Variants in MGAT5 observed in about 807,000 individuals in gnomAD.
MGAT5 encodes the protein alpha-1,6-mannosylglycoprotein 6-beta-N-acetylglucosaminyltransferase, also known as alpha-1,6-mannosylglycoprotein 6-beta-N-acetylglucosaminyltransferase A.
MGAT5 carries 30 observed loss-of-function variants against 94.3 expected under a neutral mutation model. The ratio of observed to expected loss-of-function variants is 0.32; its 90% CI spans 0.24 to 0.43. The LOEUF is 0.43. Among genes scored for constraint, MGAT5 ranks in the 20% least tolerant of loss-of-function variants. MGAT5 has a pLI of 1.00. For synonymous variants in MGAT5, 310 were observed against 322.9 expected (o/e 0.96, Z 0.43); for missense variants, 691 against 905.5 (o/e 0.76, Z 3.04).
intron 15 of MGAT5, among the ~76,000 whole-genome samples, chr2:134,445,658 C>G (rs1374499405): frequency 2.0e-5 from 3 of 152,146 alleles, no homozygotes; most frequent in African/African-American, 7.2e-5. Flanking sequence ...AAACTGAGAC[C>G]TGATGGGCCC....
chr2:134,449,181 G>C lies in MGAT5; in HGVS notation c.*334G>C, dbSNP rs987242804. The C allele has an allele frequency of 1.3e-5, 3 of 233,020 alleles. No individual in the cohort carries two copies. The highest frequency in any genetic ancestry group is 6.2e-5 in the Admixed American group (1 of 16,136). 14.4% of individuals were successfully genotyped at this position (233,020 alleles called of 1,614,324 possible). On this transcript the variant is annotated 3_prime_UTR_variant, in exon 16 of 16. Coordinates refer to ENST00000281923, the MANE Select transcript of MGAT5 (RefSeq NM_002410.5). ...AGAGTCCTTTAAAACAAAACAGGAGGAATTGAGCTGATGGGAAAGAACTCT... is the reference window on the plus strand; with the variant it reads ...AGAGTCCTTTAAAACAAAACAGGAGCAATTGAGCTGATGGGAAAGAACTCT...
intron 9 of MGAT5, among the ~76,000 whole-genome samples, chr2:134,361,735 AT>A (rs1188202221): frequency 6.6e-6 from 1 of 152,120 alleles, no homozygotes; most frequent in Non-Finnish European, 1.5e-5. Context: ...CCATAATTAC[AT>A]CTTTTATGAG....
At chr2:134,193,125 A>ATTTTTTT (rs1161424806) in intron 1 of MGAT5, among the ~76,000 whole-genome samples, 3 of 131,282 alleles carry the variant, frequency 2.3e-5, no homozygotes, top group Non-Finnish European at 4.8e-5. Context: ...TTTATTTTTT[A>ATTTTTTT]TTTTTTTTTT....
At chr2:134,359,120 T>C (rs952303465) in intron 9 of MGAT5, among the ~76,000 whole-genome samples, 1 of 152,218 alleles carries the variant, frequency 6.6e-6, no homozygotes. Flanking sequence ...TTTTTTAGCA[T>C]GTGAAAAAAT....
intron 1 of MGAT5, among the ~76,000 whole-genome samples, chr2:134,238,812 G>T (rs4954122): frequency 0.58 from 87,568 of 151,736 alleles, 28,770 homozygotes; most frequent in Non-Finnish European, 0.74. Context: ...GCATGGTGGT[G>T]CATGCCTGTA....
At chr2:134,355,571 T>A (rs1679680832) in intron 9 of MGAT5, among the ~76,000 whole-genome samples, 2 of 152,244 alleles carry the variant, frequency 1.3e-5, no homozygotes, top group Admixed American at 1.3e-4. Context: ...AGGCAATCTT[T>A]TATTTTTGAC....
chr2:134,357,412 G>A (rs1679816289), intron 9 of MGAT5, among the ~76,000 whole-genome samples: 1 of 152,164 alleles, frequency 6.6e-6, no homozygotes, highest in Admixed American at 6.5e-5. Flanking sequence ...ATTGAATGAT[G>A]GCTTGCAGAT....
At chr2:134,128,074 A>G (rs1685932469) in intron 1 of MGAT5, among the ~76,000 whole-genome samples, 1 of 152,052 alleles carries the variant, frequency 6.6e-6, no homozygotes, top group African/African-American at 2.4e-5. Flanking sequence ...ATGTTATCTT[A>G]AGAAAAAGTG....
chr2:134,250,057 G>T (rs1392807930), upstream of MGAT5, among the ~76,000 whole-genome samples: 1 of 152,012 alleles, frequency 6.6e-6, no homozygotes, highest in Non-Finnish European at 1.5e-5. Context: ...CAGGAGAATT[G>T]ACACATTTCT....
intron 1 of MGAT5, among the ~76,000 whole-genome samples, chr2:134,162,278 GTTAGGACCTTT>G (rs929485472): frequency 1.3e-5 from 2 of 152,158 alleles, no homozygotes; most frequent in Non-Finnish European, 2.9e-5. Context: ...TACTCATGGT[GTTAGGACCTTT>G]TGCTGAAGAC....
intron 1 of MGAT5, among the ~76,000 whole-genome samples, chr2:134,138,529 A>C (rs1305846039): frequency 1.3e-5 from 2 of 152,220 alleles, no homozygotes; most frequent in Non-Finnish European, 2.9e-5. Context: ...TGGAAAATAT[A>C]GGTCCTGTCT....
intron 10 of MGAT5, among the ~76,000 whole-genome samples, chr2:134,376,943 G>T (rs189624398): frequency 6.6e-6 from 1 of 152,256 alleles, no homozygotes; most frequent in East Asian, 1.9e-4. Context: ...TCCATGCTCT[G>T]CCCAGATCCT....
At chr2:134,153,140 G>A (rs548222848) in intron 1 of MGAT5, among the ~76,000 whole-genome samples, 103 of 152,026 alleles carry the variant, frequency 6.8e-4, no homozygotes, top group African/African-American at 1.6e-3. Flanking sequence ...GGCTGGTCTC[G>A]AACTCCTGAC....
At chr2:134,189,602 G>GTTTTTTTTTGTTTTTTTTTTTTTTTTT (rs1689240830) in intron 1 of MGAT5, among the ~76,000 whole-genome samples, 1 of 84,672 alleles carries the variant, frequency 1.2e-5, no homozygotes, top group Admixed American at 1.3e-4. Context: ...GTTTTTTTTT[G>GTTTTTTTTTGTTTTTTTTTTTTTTTTT]TTTTTTTTTT....
At chr2:134,355,120 AT>A (rs1484987671) in intron 9 of MGAT5, among the ~76,000 whole-genome samples, 1 of 152,140 alleles carries the variant, frequency 6.6e-6, no homozygotes, top group Non-Finnish European at 1.5e-5. Flanking sequence ...GCAAAATTTA[AT>A]TTTTTCTTTA....
intron 12 of MGAT5, among the ~76,000 whole-genome samples, chr2:134,420,233 A>G (rs1684220024): frequency 6.6e-6 from 1 of 152,154 alleles, no homozygotes; most frequent in Non-Finnish European, 1.5e-5. Context: ...CCTGAGAAAT[A>G]ACGTTTGTGC....
chr2:134,422,503 G>T (rs763557426), intron 12 of MGAT5, among the ~76,000 whole-genome samples: 4 of 152,130 alleles, frequency 2.6e-5, no homozygotes, highest in African/African-American at 4.8e-5. Context: ...TTCGGGGCTG[G>T]GTTCTGGGTA....
chr2:134,291,418 G>A (rs1685357244), intron 2 of MGAT5, among the ~76,000 whole-genome samples: 1 of 152,176 alleles, frequency 6.6e-6, no homozygotes, highest in Non-Finnish European at 1.5e-5. Flanking sequence ...GTTGATCTTA[G>A]AATTTTAGTC....
intron 1 of MGAT5, among the ~76,000 whole-genome samples, chr2:134,264,017 G>GTTTTGTTT (rs1553433826): frequency 6.4e-5 from 7 of 108,926 alleles, no homozygotes; most frequent in Admixed American, 1.0e-4. Context: ...ATGCCATTAG[G>GTTTTGTTT]TTTTTTTTTT....
Sources: allele counts gnomAD v4.1 joint callset (sites outside exome capture counted in the v4.1 genomes callset), GRCh38; gene constraint gnomAD v4.1.1; transcripts MANE v1.5; gene names NCBI Gene and HGNC (gene_info 2026-07-23, HGNC 2026-07-21).